Variants in PRMT3 observed in about 807,000 individuals in gnomAD.
The protein encoded by PRMT3 is protein arginine methyltransferase 3.
In PRMT3, 62 loss-of-function variants were observed where a neutral mutation model predicts 71.9. That is an observed-to-expected ratio of 0.86 (90% CI 0.70 to 1.07). The LOEUF (loss-of-function observed/expected upper bound fraction) is 1.07, where lower values mean the gene tolerates loss of function less well. Ranked by LOEUF, PRMT3 falls within the 50% of genes least tolerant of loss-of-function variation. PRMT3 has a pLI of 0.00. For synonymous variants in PRMT3, 213 were observed against 220.4 expected (o/e 0.97, Z 0.30); for missense variants, 663 against 643.0 (o/e 1.03, Z -0.34).
At chr11:20,407,337 G>A (rs1213862612) in intron 8 of PRMT3, 1 of 151,988 alleles carries the variant, frequency 6.6e-6, no homozygotes, top group Non-Finnish European at 1.5e-5. Flanking sequence ...ATTTCAAGTT[G>A]AGGTACTATA....
chr11:20,437,626 G>A (rs1849790176), intron 10 of PRMT3, among the ~76,000 whole-genome samples: 1 of 151,708 alleles, frequency 6.6e-6, no homozygotes, highest in South Asian at 2.1e-4. Flanking sequence ...GTCTCGCTCT[G>A]TTGCCCAGGC....
chr11:20,481,263 A>T (rs1850924527), intron 13 of PRMT3, among the ~76,000 whole-genome samples: 1 of 5,584 alleles, frequency 1.8e-4, no homozygotes, highest in African/African-American at 3.9e-4. Context: ...GCATTCAGGT[A>T]AAAAAAAAAA....
intron 10 of PRMT3, among the ~76,000 whole-genome samples, chr11:20,449,861 C>T (rs968899893): frequency 1.3e-5 from 2 of 151,946 alleles, no homozygotes; most frequent in Admixed American, 1.3e-4. Flanking sequence ...CATTTTCAGC[C>T]TTCAGGAATA....
intron 9 of PRMT3, among the ~76,000 whole-genome samples, chr11:20,425,309 G>A (rs1023835186): frequency 6.6e-6 from 1 of 152,188 alleles, no homozygotes; most frequent in Non-Finnish European, 1.5e-5. Context: ...TAACAAGGAT[G>A]TGAAGCAACA....
At chr11:20,479,876 A>G (rs1350089113) in intron 13 of PRMT3, among the ~76,000 whole-genome samples, 1 of 152,156 alleles carries the variant, frequency 6.6e-6, no homozygotes, top group Non-Finnish European at 1.5e-5. Context: ...ACCAAAAAAA[A>G]TGTTCAAGAA....
intron 13 of PRMT3, among the ~76,000 whole-genome samples, chr11:20,465,680 TAA>T (rs1850495914): frequency 6.6e-6 from 1 of 151,842 alleles, no homozygotes; most frequent in South Asian, 2.1e-4. Flanking sequence ...TATCCAGATT[TAA>T]GTTTAATTTA....
At chr11:20,403,179 T>C (rs1438281628) in intron 8 of PRMT3, among the ~76,000 whole-genome samples, 195 bp downstream of exon 8, 1 of 152,216 alleles carries the variant, frequency 6.6e-6, no homozygotes, top group Non-Finnish European at 1.5e-5. Flanking sequence ...CAGTATGCTC[T>C]TTTTTAAAAT....
chr11:20,400,198 C>T (rs938697977), intron 7 of PRMT3, among the ~76,000 whole-genome samples: 1 of 152,152 alleles, frequency 6.6e-6, no homozygotes, highest in African/African-American at 2.4e-5. Context: ...ATCATATTTA[C>T]AGGACATATT....
chr11:20,472,174 A>G (rs1479905421), intron 13 of PRMT3, among the ~76,000 whole-genome samples: 6 of 152,176 alleles, frequency 3.9e-5, no homozygotes, highest in Admixed American at 3.3e-4. Context: ...CTCTCTTACT[A>G]TTTAAATATG....
At chr11:20,478,358 A>G (rs1028320834) in intron 13 of PRMT3, among the ~76,000 whole-genome samples, 2 of 152,178 alleles carry the variant, frequency 1.3e-5, no homozygotes, top group Non-Finnish European at 2.9e-5. Flanking sequence ...AAATAAAGTT[A>G]GGAAAGGTAA....
intron 9 of PRMT3, among the ~76,000 whole-genome samples, chr11:20,421,351 T>G (rs770264678): frequency 2.0e-5 from 3 of 152,184 alleles, no homozygotes; most frequent in Non-Finnish European, 2.9e-5. Context: ...TGTTAATATT[T>G]TTAACCTCCT....
At chr11:20,422,396 T>C (rs1270186817) in intron 9 of PRMT3, among the ~76,000 whole-genome samples, 1 of 152,202 alleles carries the variant, frequency 6.6e-6, no homozygotes, top group Non-Finnish European at 1.5e-5. Context: ...ATTACTTTCC[T>C]GTTGAATACT....
intron 11 of PRMT3, among the ~76,000 whole-genome samples, chr11:20,455,102 A>G (rs1365472837): frequency 6.6e-6 from 1 of 152,188 alleles, no homozygotes; most frequent in African/African-American, 2.4e-5. Context: ...CATGCAGCCA[A>G]CAAGAGATGA....
intron 13 of PRMT3, 52 bp from the exon 14 acceptor site, chr11:20,493,862 TTATTA>T (rs1175406193): frequency 1.4e-5 from 17 of 1,188,620 alleles, no homozygotes; most frequent in East Asian, 4.8e-5. Context: ...CAGTAATGAG[TTATTA>T]TATTATGTAA....
intron 13 of PRMT3, among the ~76,000 whole-genome samples, chr11:20,469,988 T>C (rs1850604933): frequency 6.6e-6 from 1 of 152,154 alleles, no homozygotes; most frequent in Non-Finnish European, 1.5e-5. Context: ...ATGTATCACT[T>C]AATGAGGGGG....
intron 7 of PRMT3, among the ~76,000 whole-genome samples, chr11:20,398,495 C>G (rs902739253): frequency 6.6e-6 from 1 of 152,124 alleles, no homozygotes; most frequent in Non-Finnish European, 1.5e-5. Flanking sequence ...CTCTGTCACC[C>G]AGGCTGGAGT....
At chr11:20,479,573 A>C (rs866665551) in intron 13 of PRMT3, among the ~76,000 whole-genome samples, 1 of 152,212 alleles carries the variant, frequency 6.6e-6, no homozygotes, top group East Asian at 1.9e-4. Flanking sequence ...GAAATGACAT[A>C]ATATAGGGTA....
chr11:20,443,018 G>A (rs1257477076), intron 10 of PRMT3, among the ~76,000 whole-genome samples: 1 of 152,018 alleles, frequency 6.6e-6, no homozygotes, highest in Non-Finnish European at 1.5e-5. Flanking sequence ...GGGAAGGAGA[G>A]GGCAACGTTA....
intron 13 of PRMT3, among the ~76,000 whole-genome samples, chr11:20,475,278 A>ACTT (rs1246723091): frequency 5.3e-5 from 8 of 152,176 alleles, no homozygotes; most frequent in African/African-American, 1.4e-4. Context: ...TTGAAGAGGA[A>ACTT]CTTCTACTTT....
Sources: gnomAD v4.1 joint callset for allele counts (sites outside exome capture counted in the v4.1 genomes callset) on GRCh38, gnomAD v4.1.1 for gene constraint, MANE v1.5 for transcripts, NCBI Gene and HGNC (gene_info 2026-07-23, HGNC 2026-07-21) for gene names.